CLYBL: variants seen among roughly 807,000 people sequenced by gnomAD.
CLYBL encodes the protein citramalyl-CoA lyase, mitochondrial.
In CLYBL, 31 loss-of-function variants were observed where a neutral mutation model predicts 38.9. The ratio of observed to expected loss-of-function variants is 0.80; its 90% CI spans 0.60 to 1.08. The LOEUF (loss-of-function observed/expected upper bound fraction) is 1.08. Among genes scored for constraint, CLYBL ranks in the 50% least tolerant of loss-of-function variants. The pLI is 0.00. For synonymous variants in CLYBL, 171 were observed against 158.6 expected, an observed-to-expected ratio of 1.08 and a Z score of -0.59; for missense variants, 434 against 411.6, an observed-to-expected ratio of 1.05 and a Z score of -0.47.
chr13:99,844,882 G>T (rs1681305318), intron 2 of CLYBL, among the ~76,000 whole-genome samples: 1 of 152,182 alleles, frequency 6.6e-6, no homozygotes, highest in Non-Finnish European at 1.5e-5. Context: ...CCATTGACTA[G>T]GTATCAAAGA....
At chr13:99,833,209 T>A (rs2050859919) in intron 2 of CLYBL, among the ~76,000 whole-genome samples, 1 of 150,040 alleles carries the variant, frequency 6.7e-6, no homozygotes, top group Admixed American at 6.7e-5. Flanking sequence ...ACCTGGCTAA[T>A]TTTTTGTATT....
intron 2 of CLYBL, among the ~76,000 whole-genome samples, chr13:99,816,927 G>A (rs546423107): frequency 2.0e-4 from 30 of 152,170 alleles, no homozygotes; most frequent in Non-Finnish European, 2.6e-4. Context: ...GAGCCTGAAC[G>A]TGCGCTGCGG....
intron 4 of CLYBL, among the ~76,000 whole-genome samples, chr13:99,864,289 CT>C (rs1255238712): frequency 2.2e-4 from 34 of 152,216 alleles, no homozygotes; most frequent in Non-Finnish European, 2.1e-4. Flanking sequence ...TTTGCCTTGA[CT>C]TTCATATATA....
chr13:99,862,874 G>T, intron 3 of CLYBL, 117 bp from the exon 4 acceptor site: 1 of 448,448 alleles, frequency 2.2e-6, no homozygotes, highest in Non-Finnish European at 3.9e-6. Context: ...TTGTGTGGAC[G>T]AAAGAGGCTT....
chr13:99,656,460 G>A (rs2139317416), intron 1 of CLYBL, among the ~76,000 whole-genome samples: 2 of 152,286 alleles, frequency 1.3e-5, no homozygotes, highest in South Asian at 4.1e-4. Context: ...ATATATATAT[G>A]TTCCTCTCTA....
Position 99,821,157 on chromosome 13 carries a change from G to A in CLYBL, c.250-37704G>A, listed in dbSNP as rs971168805. 2.6e-5 allele frequency among the ~76,000 whole-genome samples: 4 copies of A among 152,290 alleles called. No homozygotes were observed. The South Asian group carries it at 8.3e-4, about 32-fold the overall frequency. ...TGATTGGGGTTTCCGGATGGGCTGG[G>A]AACACAGTAATCTTGGTCCTATTCC... On this transcript the variant is annotated intron_variant, in intron 2 of 8. Transcript: ENST00000339105.
At chr13:99,730,084 G>A (rs2048561232) in intron 1 of CLYBL, among the ~76,000 whole-genome samples, 1 of 151,574 alleles carries the variant, frequency 6.6e-6, no homozygotes, top group Non-Finnish European at 1.5e-5. Flanking sequence ...CGTGGCCAGT[G>A]CTGCGACCCA....
intron 1 of CLYBL, among the ~76,000 whole-genome samples, chr13:99,730,068 C>T (rs74112544): frequency 9.4e-4 from 142 of 151,282 alleles, no homozygotes; most frequent in East Asian, 4.7e-3. Flanking sequence ...GTTGGCCCCA[C>T]GTCAGCGTGG....
intron 1 of CLYBL, among the ~76,000 whole-genome samples, chr13:99,705,211 G>T (rs1204312930): frequency 2.0e-5 from 3 of 151,964 alleles, no homozygotes; most frequent in Non-Finnish European, 4.4e-5. Context: ...CCATCGACAG[G>T]TGAATGGGTA....
At chr13:99,829,549 T>C (rs1278490283) in intron 2 of CLYBL, among the ~76,000 whole-genome samples, 1 of 152,204 alleles carries the variant, frequency 6.6e-6, no homozygotes, top group African/African-American at 2.4e-5. Flanking sequence ...GTTGTTGTTG[T>C]CATTACTGAT....
intron 1 of CLYBL, among the ~76,000 whole-genome samples, chr13:99,729,173 CT>C (rs2048536697): frequency 6.6e-6 from 1 of 152,226 alleles, no homozygotes; most frequent in Non-Finnish European, 1.5e-5. Context: ...GACTGTTTCT[CT>C]TGTCTTTTAA....
intron 1 of CLYBL, among the ~76,000 whole-genome samples, chr13:99,696,056 T>G (rs1266916964): frequency 6.6e-6 from 1 of 152,118 alleles, no homozygotes; most frequent in Non-Finnish European, 1.5e-5. Flanking sequence ...AATAGGAATT[T>G]AGAGTGATGG....
intron 1 of CLYBL, among the ~76,000 whole-genome samples, chr13:99,713,422 C>T (rs2048265347): frequency 2.0e-5 from 3 of 149,630 alleles, no homozygotes; most frequent in African/African-American, 7.4e-5. Flanking sequence ...TCACTGCAAC[C>T]TCCGCCTCCC....
intron 1 of CLYBL, among the ~76,000 whole-genome samples, chr13:99,682,990 G>A (rs1188950408): frequency 1.3e-5 from 2 of 151,126 alleles, no homozygotes; most frequent in African/African-American, 2.4e-5. Context: ...CACCCACCTC[G>A]CCCTCCCAAA....
intron 2 of CLYBL, among the ~76,000 whole-genome samples, chr13:99,785,720 C>T (rs2049776509): frequency 6.6e-6 from 1 of 151,836 alleles, no homozygotes; most frequent in African/African-American, 2.4e-5. Context: ...CTCAGCCTCT[C>T]CGGTAGCTGG....
intron 1 of CLYBL, among the ~76,000 whole-genome samples, chr13:99,674,877 G>T (rs924386108): frequency 1.3e-5 from 2 of 152,108 alleles, no homozygotes; most frequent in Admixed American, 6.5e-5. Context: ...ACCAAGAATC[G>T]ACTATTGAAA....
intron 7 of CLYBL, among the ~76,000 whole-genome samples, chr13:99,871,347 A>G (rs1227263378): frequency 6.6e-6 from 1 of 152,238 alleles, no homozygotes; most frequent in Non-Finnish European, 1.5e-5. Flanking sequence ...GTTTTTCTCT[A>G]CAGACTTCTA....
rs2047783109 is a variant in CLYBL, at chr13:99,684,151, A to G, written c.62+77394A>G. Among the ~76,000 whole-genome samples the G allele has an allele frequency of 2.8e-5, 4 of 142,468 alleles. No homozygotes were observed. The South Asian group carries it at 8.8e-4, about 31-fold the overall frequency. 93.5% of individuals were successfully genotyped at this position (142,468 alleles called of 152,430 possible). A position where few individuals can be genotyped will look rare whatever the true frequency, so the allele number is the denominator to read the frequency against. On this transcript the variant is annotated intron_variant, in intron 1 of 8. Transcript: ENST00000339105. ...CACCTCGGCCTCCCAAAGTGCTATGATTACAGATGTGAGCCACCGGGCCTG... is the reference window on the plus strand; with the variant it reads ...CACCTCGGCCTCCCAAAGTGCTATGGTTACAGATGTGAGCCACCGGGCCTG...
intron 1 of CLYBL, among the ~76,000 whole-genome samples, chr13:99,682,426 G>T (rs985572928): frequency 5.3e-5 from 8 of 152,162 alleles, no homozygotes; most frequent in Admixed American, 6.5e-5. Context: ...ACAGGAGTGA[G>T]CCACCGCGCC....
Sources: allele counts gnomAD v4.1 joint callset (sites outside exome capture counted in the v4.1 genomes callset), GRCh38; gene constraint gnomAD v4.1.1; transcripts MANE v1.5; gene names NCBI Gene and HGNC (gene_info 2026-07-23, HGNC 2026-07-21).